Variants in SHC4 observed in about 807,000 individuals in gnomAD.
SHC4 encodes SHC-transforming protein 4.
A neutral mutation model predicts 69.4 loss-of-function variants in SHC4; 41 were observed. That is an observed-to-expected ratio of 0.59 (90% CI 0.46 to 0.77). SHC4 has a LOEUF of 0.77. SHC4 is among the 30% of genes least tolerant of loss of function. SHC4 has a pLI of 0.00. For synonymous variants in SHC4, 318 were observed against 299.3 expected, an observed-to-expected ratio of 1.06 and a Z score of -0.64; for missense variants, 777 against 783.8, an observed-to-expected ratio of 0.99 and a Z score of 0.10.
chr15:48,948,156 C>G (rs182310814), intron 1 of SHC4: 15 of 152,298 alleles, frequency 9.8e-5, no homozygotes, highest in Admixed American at 9.8e-4. Flanking sequence ...CCCTGGGACA[C>G]TCTCTATATA....
intron 1 of SHC4, chr15:48,948,120 T>C (rs1450165315): frequency 4.6e-5 from 7 of 152,268 alleles, no homozygotes; most frequent in Admixed American, 4.6e-4. Flanking sequence ...GTTGTATTCC[T>C]AGCTGTGTTT....
At chr15:48,925,417 G>C (rs881814) in intron 1 of SHC4, among the ~76,000 whole-genome samples, 50,501 of 151,756 alleles carry the variant, frequency 0.33, 8,933 homozygotes, top group East Asian at 0.53. Context: ...ACATACAAAG[G>C]CCTAAATAGT....
intron 2 of SHC4, among the ~76,000 whole-genome samples, chr15:48,914,001 G>A (rs1165964645): frequency 6.6e-6 from 1 of 152,142 alleles, no homozygotes; most frequent in East Asian, 1.9e-4. Context: ...AGGGTCTGTG[G>A]GTCCTCTCGG....
At chr15:48,876,358 C>T (rs964792764) in intron 4 of SHC4, among the ~76,000 whole-genome samples, 1 of 152,026 alleles carries the variant, frequency 6.6e-6, no homozygotes, top group East Asian at 1.9e-4. Context: ...GCATGATCAC[C>T]TATCTCAGCT....
intron 2 of SHC4, among the ~76,000 whole-genome samples, chr15:48,922,501 G>C (rs564291444): frequency 6.6e-6 from 1 of 152,310 alleles, no homozygotes; most frequent in African/African-American, 2.4e-5. Context: ...GGCTCACGCT[G>C]CTCCTCAGCC....
At chr15:48,943,250 C>T (rs1901207800) in intron 1 of SHC4, among the ~76,000 whole-genome samples, 1 of 152,154 alleles carries the variant, frequency 6.6e-6, no homozygotes, top group Non-Finnish European at 1.5e-5. Flanking sequence ...ACCTATACCT[C>T]ACCATTTTCT....
At chr15:48,926,151 A>G (rs1434196314) in intron 1 of SHC4, among the ~76,000 whole-genome samples, 4 of 152,180 alleles carry the variant, frequency 2.6e-5, no homozygotes, top group Non-Finnish European at 5.9e-5. Context: ...GATTCAGCCT[A>G]GGGACGTGGA....
chr15:48,878,168 G>A (rs773988895), intron 4 of SHC4: 1 of 1,544,208 alleles, frequency 6.5e-7, no homozygotes. Context: ...AGGTTGAGCG[G>A]TTTGCACAAT....
chr15:48,933,353 C>T (rs941728623), intron 1 of SHC4, among the ~76,000 whole-genome samples: 8 of 152,110 alleles, frequency 5.3e-5, no homozygotes, highest in African/African-American at 1.9e-4. Context: ...GAATAAAATA[C>T]TTATGAATAA....
intron 1 of SHC4, among the ~76,000 whole-genome samples, chr15:48,928,467 G>T (rs761125306): frequency 6.6e-6 from 1 of 152,026 alleles, no homozygotes; most frequent in African/African-American, 2.4e-5. Flanking sequence ...AGGGACAAAC[G>T]GAAACAGCTG....
intron 10 of SHC4, among the ~76,000 whole-genome samples, chr15:48,836,181 A>G (rs1488388327): frequency 1.3e-5 from 2 of 152,088 alleles, no homozygotes; most frequent in Non-Finnish European, 2.9e-5. Flanking sequence ...CGACAGTGAG[A>G]CCCTGCCTCA....
intron 2 of SHC4, 75 bp downstream of exon 2, chr15:48,924,804 T>A: frequency 1.3e-6 from 2 of 1,510,666 alleles, no homozygotes; most frequent in Non-Finnish European, 9.2e-7. Flanking sequence ...AAGGTTTGCA[T>A]AAAATTCCTG....
intron 11 of SHC4, among the ~76,000 whole-genome samples, chr15:48,831,495 C>A (rs140908054): frequency 6.4e-4 from 98 of 152,310 alleles, no homozygotes; most frequent in Non-Finnish European, 8.8e-4. Context: ...CAAATATTTA[C>A]CATTGTGTTA....
At chr15:48,826,272 GAC>G in intron 11 of SHC4, 146 bp from the exon 12 acceptor site, 1 of 716,440 alleles carries the variant, frequency 1.4e-6, no homozygotes, top group Non-Finnish European at 2.1e-6. Context: ...TTTTTTTTGA[GAC>G]AGAGTGTCAC....
intron 10 of SHC4, among the ~76,000 whole-genome samples, chr15:48,839,546 T>C (rs1232486858): frequency 6.6e-6 from 1 of 152,218 alleles, no homozygotes; most frequent in Admixed American, 6.5e-5. Flanking sequence ...CTTTCTCCAC[T>C]TCCAGCTCAT....
In SHC4 at chr15:48,824,633, T is replaced by C. The variant is rs528132796; in HGVS notation, c.*1338A>G. The stretch of plus-strand genomic sequence containing the variant: ...CACAGACTATAGAAGAAAAGCTTAA[T>C]TTTTTACCTTAACTATACAGACTGG... On this transcript the variant is annotated 3_prime_UTR_variant, in exon 12 of 12. Coordinates refer to ENST00000332408, the MANE Select transcript of SHC4 (RefSeq NM_203349.4). The C allele has an allele frequency of 9.8e-5, 15 of 152,298 alleles. No individual in the cohort carries two copies. The highest frequency in any genetic ancestry group is 3.1e-4 in the African/African-American group (13 of 41,568). 9.4% of individuals were successfully genotyped at this position (152,298 alleles called of 1,614,324 possible). A position where few individuals can be genotyped will look rare whatever the true frequency, so the allele number is the denominator to read the frequency against.
chr15:48,890,763 G>T lies in SHC4; in HGVS notation c.705C>A (p.Ala235=). Residue 235 remains alanine (A), a synonymous_variant, in exon 3 of 12, where the codon GCC becomes GCA. Transcript: ENST00000332408. ...CATCATTTACCTTTCGCTTTTTAAT[G>T]GCTCCATTTGCCCCGGGGACAGCTT... ...LCEAVPGANG[A]IKKRKPPVKF... 1 of 1,614,114 alleles carries T rather than the reference G, an allele frequency of 6.2e-7. No homozygotes were observed. Among genetic ancestry groups the T allele is most frequent in the Non-Finnish European group, 8.5e-7 (1 of 1,180,014 alleles).
chr15:48,826,831 G>A (rs1342543693), intron 11 of SHC4, among the ~76,000 whole-genome samples: 2 of 152,040 alleles, frequency 1.3e-5, no homozygotes, highest in Non-Finnish European at 2.9e-5. Context: ...ATCTCTCTTT[G>A]GAGGCTCAGC....
chr15:48,850,578 T>C (rs1272879740), intron 9 of SHC4, among the ~76,000 whole-genome samples: 1 of 152,204 alleles, frequency 6.6e-6, no homozygotes, highest in African/African-American at 2.4e-5. Flanking sequence ...GCTCAACAAC[T>C]AATGGGAATT....
Sources: gnomAD v4.1 joint callset for allele counts (sites outside exome capture counted in the v4.1 genomes callset) on GRCh38, gnomAD v4.1.1 for gene constraint, MANE v1.5 for transcripts, NCBI Gene and HGNC (gene_info 2026-07-23, HGNC 2026-07-21) for gene names.